STIM2: variants seen among roughly 807,000 people sequenced by gnomAD.
STIM2 encodes the protein stromal interaction molecule 2.
Under a neutral mutation model 85.8 loss-of-function variants are expected in STIM2, and 31 were observed. That is an observed-to-expected ratio of 0.36 (90% CI 0.27 to 0.49). The LOEUF (loss-of-function observed/expected upper bound fraction) is 0.49, where lower values mean the gene tolerates loss of function less well. Among genes scored for constraint, STIM2 ranks in the 20% least tolerant of loss-of-function variants. The pLI, the probability that STIM2 is intolerant of heterozygous loss-of-function variation, is 0.98. For synonymous variants in STIM2, 356 were observed against 331.1 expected (o/e 1.08, Z -0.82); for missense variants, 841 against 927.6 (o/e 0.91, Z 1.21).
intron 3 of STIM2, among the ~76,000 whole-genome samples, chr4:26,984,020 A>C (rs1727494108): frequency 6.6e-6 from 1 of 152,188 alleles, no homozygotes; most frequent in South Asian, 2.1e-4. Context: ...TATAATTGAA[A>C]TGTTTCTTTA....
intron 1 of STIM2, among the ~76,000 whole-genome samples, chr4:26,896,759 G>A (rs1371516617): frequency 6.6e-6 from 1 of 152,084 alleles, no homozygotes; most frequent in South Asian, 2.1e-4. Flanking sequence ...TGCAGGCATT[G>A]GTATTTCTTT....
chr4:26,916,344 A>G (rs1577435904), intron 1 of STIM2, among the ~76,000 whole-genome samples: 1 of 152,160 alleles, frequency 6.6e-6, no homozygotes, highest in African/African-American at 2.4e-5. Context: ...TTGGCAAAAC[A>G]CCAAACCCTA....
At chr4:26,936,842 T>C (rs1255729533) in intron 2 of STIM2, among the ~76,000 whole-genome samples, 1 of 152,146 alleles carries the variant, frequency 6.6e-6, no homozygotes, top group African/African-American at 2.4e-5. Context: ...CAGGCTGGAG[T>C]TCAGTGGCGT....
At chr4:26,965,869 C>A (rs937614716) in intron 3 of STIM2, among the ~76,000 whole-genome samples, 1 of 152,172 alleles carries the variant, frequency 6.6e-6, no homozygotes, top group Non-Finnish European at 1.5e-5. Context: ...CCTATTACAT[C>A]TCTCTGTCCT....
intron 11 of STIM2, chr4:27,019,463 A>G (rs1234942300): frequency 1.6e-6 from 2 of 1,289,726 alleles, no homozygotes; most frequent in African/African-American, 1.5e-5. Context: ...GTTTCTGGAA[A>G]TCAGAAGGAA....
chr4:26,891,919 T>C (rs752622568), intron 1 of STIM2, among the ~76,000 whole-genome samples: 2 of 152,194 alleles, frequency 1.3e-5, no homozygotes, highest in Admixed American at 1.3e-4. Flanking sequence ...ATAATTCCTA[T>C]GTGTTGTGCG....
At position 27,017,798 on chromosome 4, in the gene STIM2, C is replaced by G; in HGVS notation, c.1577C>G (p.Pro526Arg). 3 of 1,614,148 alleles carry G rather than the reference C, an allele frequency of 1.9e-6. No individual in the cohort carries two copies. The highest frequency in any genetic ancestry group is 1.7e-6 in the Non-Finnish European group (2 of 1,180,026). ...AGCATTGTGCCGTCCTCGCCTCAGC[C>G]TCAGCGAGCTCAGCTTGCTCCACAC... Residue 526 changes from proline (P) to arginine (R), a missense_variant, in exon 11 of 12, where the codon CCT (proline) becomes CGT (arginine). Coordinates refer to ENST00000467087, the MANE Select transcript of STIM2 (RefSeq NM_020860.4).
chr4:26,895,341 C>T (rs1277444819), intron 1 of STIM2, among the ~76,000 whole-genome samples: 1 of 152,048 alleles, frequency 6.6e-6, no homozygotes, highest in Non-Finnish European at 1.5e-5. Context: ...TTCCTAGGTA[C>T]TGTATTTATT....
intron 1 of STIM2, among the ~76,000 whole-genome samples, chr4:26,894,047 C>A (rs752561884): frequency 3.0e-4 from 45 of 152,196 alleles, no homozygotes; most frequent in Non-Finnish European, 5.9e-4. Context: ...CGCCACTGCG[C>A]CAGGCTAATT....
chr4:26,874,760 A>G (rs925681793), intron 1 of STIM2, among the ~76,000 whole-genome samples: 1 of 152,212 alleles, frequency 6.6e-6, no homozygotes, highest in Non-Finnish European at 1.5e-5. Context: ...GTGAGGTTAC[A>G]TTGTGCCACT....
In STIM2 at chr4:27,025,368, A is replaced by G. The variant is rs1356609039; in HGVS notation, c.*2372A>G. On this transcript the variant is annotated 3_prime_UTR_variant, in exon 12 of 12. Transcript: ENST00000467087. ...GTGTTTTCCTGATTTTAAAAGCAAT[A>G]TTTTCCTTACTGTAAAAAAAAAAAA... The G allele has an allele frequency of 1.4e-5, 2 of 144,348 alleles. No individual in the cohort carries two copies. Among genetic ancestry groups the G allele is most frequent in the Admixed American group, 1.4e-4 (2 of 13,822 alleles). 8.9% of individuals were successfully genotyped at this position (144,348 alleles called of 1,614,324 possible). A position where few individuals can be genotyped will look rare whatever the true frequency, so the allele number is the denominator to read the frequency against.
chr4:26,864,233 G>A (rs1265261986), intron 1 of STIM2, among the ~76,000 whole-genome samples: 1 of 151,980 alleles, frequency 6.6e-6, no homozygotes, highest in African/African-American at 2.4e-5. Context: ...TATATAGTAA[G>A]GGTTTTAAAT....
At chr4:26,891,591 ACACACACC>A (rs1273258206) in intron 1 of STIM2, among the ~76,000 whole-genome samples, 2,014 of 138,516 alleles carry the variant, frequency 0.015, 36 homozygotes, top group African/African-American at 0.052. Context: ...ACACACACAC[ACACACACC>A]CCCTTTTGGT....
At chr4:27,018,183 G>T (rs1032826574) in intron 11 of STIM2, among the ~76,000 whole-genome samples, 199 bp downstream of exon 11, 11 of 152,132 alleles carry the variant, frequency 7.2e-5, no homozygotes, top group Non-Finnish European at 1.2e-4. Flanking sequence ...TGTGACTGGG[G>T]TTTTTGCTCA....
intron 3 of STIM2, among the ~76,000 whole-genome samples, chr4:26,974,565 C>CTCCA (rs1290771680): frequency 3.9e-5 from 6 of 152,200 alleles, no homozygotes; most frequent in Non-Finnish European, 8.8e-5. Context: ...GAATATCGAC[C>CTCCA]TCCACTCTCT....
At chr4:26,980,761 A>G (rs538228206) in intron 3 of STIM2, among the ~76,000 whole-genome samples, 5 of 152,368 alleles carry the variant, frequency 3.3e-5, no homozygotes, top group Admixed American at 6.5e-5. Context: ...GAGTCAAGAA[A>G]GGAATCAGTT....
chr4:26,974,098 T>A (rs1276438447), intron 3 of STIM2, among the ~76,000 whole-genome samples: 6 of 152,192 alleles, frequency 3.9e-5, no homozygotes, highest in Non-Finnish European at 8.8e-5. Context: ...TGGATCTTCC[T>A]CCATCCCTTT....
chr4:26,885,650 T>A (rs556848017), intron 1 of STIM2, among the ~76,000 whole-genome samples: 6 of 151,818 alleles, frequency 4.0e-5, no homozygotes, highest in Admixed American at 2.6e-4. Context: ...CATTTCTGAC[T>A]ATTTTTTCAG....
chr4:26,939,158 A>G (rs989984972), intron 2 of STIM2, among the ~76,000 whole-genome samples: 6 of 152,092 alleles, frequency 3.9e-5, no homozygotes, highest in African/African-American at 1.2e-4. Context: ...TTGCTTTAGT[A>G]CTTTTTCCCT....
Sources: allele counts gnomAD v4.1 joint callset (sites outside exome capture counted in the v4.1 genomes callset), GRCh38; gene constraint gnomAD v4.1.1; transcripts MANE v1.5; gene names NCBI Gene and HGNC (gene_info 2026-07-23, HGNC 2026-07-21).